The following UHRF2 variants were observed in gnomAD, a reference collection of about 807,000 sequenced individuals.
The protein encoded by UHRF2 is ubiquitin like with PHD and ring finger domains 2, also known as E3 ubiquitin-protein ligase UHRF2.
UHRF2 carries 23 observed loss-of-function variants against 96.8 expected under a neutral mutation model. The observed-to-expected ratio is 0.24, with a 90% CI of 0.17 to 0.34. UHRF2 has a LOEUF of 0.34. Ranked by LOEUF, UHRF2 falls within the 10% of genes least tolerant of loss-of-function variation. The probability of loss-of-function intolerance (pLI) is 1.00; values close to 1 mark genes in which losing one functional copy is unlikely to be tolerated. For missense variants in UHRF2, 685 were observed against 981.5 expected, an observed-to-expected ratio of 0.70 and a Z score of 4.04; for synonymous variants, 385 against 332.6, an observed-to-expected ratio of 1.16 and a Z score of -1.72.
intron 2 of UHRF2, among the ~76,000 whole-genome samples, chr9:6,421,759 A>G (rs907660255): frequency 6.6e-6 from 1 of 151,710 alleles, no homozygotes; most frequent in African/African-American, 2.4e-5. Flanking sequence ...CTATCAGAAC[A>G]CTTCTCTCTG....
chr9:6,485,468 C>A (rs1824210020), intron 8 of UHRF2, among the ~76,000 whole-genome samples: 1 of 151,740 alleles, frequency 6.6e-6, no homozygotes, highest in Non-Finnish European at 1.5e-5. Context: ...TTAGGAAAAA[C>A]AGATTATTTT....
Position 6,506,362 on chromosome 9 carries a change from A to T in UHRF2, c.*183A>T. 4.3e-6 allele frequency: 3 copies of T among 704,448 alleles called. No individual in the cohort carries two copies. Among genetic ancestry groups the T allele is most frequent in the Non-Finnish European group, 6.6e-6 (3 of 457,396 alleles). 43.6% of individuals were successfully genotyped at this position (704,448 alleles called of 1,614,324 possible). ...AGGCCCATTTCTCAACTGTCTTTTA[A>T]ATATCTAAAGGTAGTTCCTGTAACA... On this transcript the variant is annotated 3_prime_UTR_variant, in exon 16 of 16. Coordinates refer to ENST00000276893, the MANE Select transcript of UHRF2 (RefSeq NM_152896.3).
At chr9:6,419,506 G>C (rs1261653264) in intron 1 of UHRF2, among the ~76,000 whole-genome samples, 1 of 151,856 alleles carries the variant, frequency 6.6e-6, no homozygotes, top group Non-Finnish European at 1.5e-5. Flanking sequence ...TACTGATAAT[G>C]CTTTAGAAAG....
At chr9:6,444,454 T>C (rs1011020527) in intron 3 of UHRF2, among the ~76,000 whole-genome samples, 2 of 152,242 alleles carry the variant, frequency 1.3e-5, no homozygotes, top group East Asian at 1.9e-4. Flanking sequence ...TTCAAACTTA[T>C]ATATCGTCCC....
chr9:6,471,548 C>G (rs1823240079), intron 4 of UHRF2, among the ~76,000 whole-genome samples: 1 of 152,190 alleles, frequency 6.6e-6, no homozygotes, highest in South Asian at 2.1e-4. Context: ...GGATCACTCC[C>G]TCTGAGGGAA....
At chr9:6,478,284 C>G (rs1025671911) in intron 6 of UHRF2, among the ~76,000 whole-genome samples, 2 of 152,200 alleles carry the variant, frequency 1.3e-5, no homozygotes, top group Admixed American at 6.5e-5. Context: ...ACATTACCCT[C>G]TTTGGTTAAC....
In UHRF2 at chr9:6,413,326, G is replaced by A; in HGVS notation, c.-165G>A. 1 of 563,894 alleles carries A rather than the reference G, an allele frequency of 1.8e-6. No individual in the cohort carries two copies. Among genetic ancestry groups the A allele is most frequent in the Non-Finnish European group, 2.4e-6 (1 of 414,328 alleles). 34.9% of individuals were successfully genotyped at this position (563,894 alleles called of 1,614,324 possible). A position where few individuals can be genotyped will look rare whatever the true frequency, so the allele number is the denominator to read the frequency against. On this transcript the variant is annotated 5_prime_UTR_variant, in exon 1 of 16. Transcript: ENST00000276893. Reference sequence around the variant, plus strand: ...GGCTAGTCGGGCGCGCGCGCTGAGAGTCGTCGCCGCCTGTCGGGCCCGGCG... The same window carrying A: ...GGCTAGTCGGGCGCGCGCGCTGAGAATCGTCGCCGCCTGTCGGGCCCGGCG...
intron 14 of UHRF2, 44 bp downstream of exon 14, chr9:6,500,753 A>C (rs1483127074): frequency 6.6e-7 from 1 of 1,525,922 alleles, no homozygotes; most frequent in African/African-American, 1.4e-5. Flanking sequence ...GATATTAACA[A>C]ATGATAAATA....
chr9:6,451,243 A>G (rs975553936), intron 3 of UHRF2, among the ~76,000 whole-genome samples: 5 of 152,196 alleles, frequency 3.3e-5, no homozygotes, highest in South Asian at 4.1e-4. Context: ...GTGCTTTCAC[A>G]TAACTTGTAA....
intron 3 of UHRF2, among the ~76,000 whole-genome samples, chr9:6,456,595 G>A (rs1333333934): frequency 6.6e-6 from 1 of 152,144 alleles, no homozygotes; most frequent in East Asian, 1.9e-4. Flanking sequence ...TTTTGGACAT[G>A]GAGTCTTTGC....
chr9:6,488,551 T>C (rs71490274), intron 9 of UHRF2, among the ~76,000 whole-genome samples: 4,551 of 141,068 alleles, frequency 0.032, 103 homozygotes, highest in Middle Eastern at 0.074. Flanking sequence ...TTTTTTTTTT[T>C]TTTTTTTTTT....
At chr9:6,437,913 G>T (rs1340985378) in intron 3 of UHRF2, among the ~76,000 whole-genome samples, 1 of 152,146 alleles carries the variant, frequency 6.6e-6, no homozygotes, top group Non-Finnish European at 1.5e-5. Flanking sequence ...CACCCGGCTA[G>T]TTTCATTAGA....
At chr9:6,441,035 A>G (rs181587633) in intron 3 of UHRF2, among the ~76,000 whole-genome samples, 358 of 152,286 alleles carry the variant, frequency 2.4e-3, no homozygotes, top group Non-Finnish European at 4.0e-3. Context: ...TAGTTCATTG[A>G]TTCTCAAAAT....
At position 6,413,630 on chromosome 9, in the gene UHRF2, A is replaced by C; in HGVS notation, c.140A>C (p.Tyr47Ser). The change falls in exon 1 of 16, where the codon TAC becomes TCC. Residue 47 changes from tyrosine to serine, a missense_variant. Coordinates refer to ENST00000276893, the MANE Select transcript of UHRF2 (RefSeq NM_152896.3). ...CGGCCCGAATGCCAGCGCCTCTTCT[A>C]CCGGGGCAAGCAGGTGAGGCGCGCC... ...DVRPECQRLF[Y>S]RGKQLENGYT... The C allele has an allele frequency of 6.3e-7, 1 of 1,590,516 alleles. No homozygotes were observed. The highest frequency in any genetic ancestry group is 8.5e-7 in the Non-Finnish European group (1 of 1,170,778).
chr9:6,420,145 C>T (rs895953931), intron 1 of UHRF2, among the ~76,000 whole-genome samples: 1 of 151,822 alleles, frequency 6.6e-6, no homozygotes, highest in East Asian at 2.0e-4. Context: ...CAACCTCCAC[C>T]TCTGGAGTTC....
intron 4 of UHRF2, among the ~76,000 whole-genome samples, chr9:6,461,767 C>T (rs1363787472): frequency 6.6e-6 from 1 of 152,052 alleles, no homozygotes; most frequent in African/African-American, 2.4e-5. Context: ...CTTTGGAAAA[C>T]ATTATCACTC....
chr9:6,472,112 T>G (rs34581400), intron 4 of UHRF2, among the ~76,000 whole-genome samples: 6,149 of 152,266 alleles, frequency 0.04, 153 homozygotes, highest in Middle Eastern at 0.085. Flanking sequence ...CTCCCAAAAG[T>G]TCCCTTGGGT....
In UHRF2 at chr9:6,413,310, G is replaced by A. The variant is rs1192616574; in HGVS notation, c.-181G>A. ...CGTCTCTCCTCAAGTCGGCTAGTCG[G>A]GCGCGCGCGCTGAGAGTCGTCGCCG... is the stretch of plus-strand genomic sequence containing the variant. On this transcript the variant is annotated 5_prime_UTR_variant, in exon 1 of 16. Transcript: ENST00000276893. The A allele has an allele frequency of 7.6e-6, 3 of 396,836 alleles. No homozygotes were observed. Among genetic ancestry groups the A allele is most frequent in the Non-Finnish European group, 1.1e-5 (3 of 266,682 alleles). 24.6% of individuals were successfully genotyped at this position (396,836 alleles called of 1,614,324 possible). A position where few individuals can be genotyped will look rare whatever the true frequency, so the allele number is the denominator to read the frequency against.
At chr9:6,430,772 C>G (rs1820521215) in intron 2 of UHRF2, among the ~76,000 whole-genome samples, 1 of 152,156 alleles carries the variant, frequency 6.6e-6, no homozygotes, top group African/African-American at 2.4e-5. Flanking sequence ...ACAATAAAGG[C>G]TCTGGGCCCT....
Sources: gnomAD v4.1 joint callset for allele counts (sites outside exome capture counted in the v4.1 genomes callset) on GRCh38, gnomAD v4.1.1 for gene constraint, MANE v1.5 for transcripts, NCBI Gene and HGNC (gene_info 2026-07-23, HGNC 2026-07-21) for gene names.